The following KANK4 variants were observed in gnomAD, a reference collection of about 807,000 sequenced individuals.
The protein encoded by KANK4 is KN motif and ankyrin repeat domains 4, also known as KN motif and ankyrin repeat domain-containing protein 4.
A neutral mutation model predicts 80.8 loss-of-function variants in KANK4; 50 were observed. That is an observed-to-expected ratio of 0.62 (90% CI 0.49 to 0.78). The LOEUF (loss-of-function observed/expected upper bound fraction) is 0.78. Ranked by LOEUF, KANK4 falls within the 30% of genes least tolerant of loss-of-function variation. KANK4 has a pLI of 0.00. For missense variants in KANK4, 1,196 were observed against 1,240.1 expected (o/e 0.96, Z 0.53); for synonymous variants, 465 against 506.9 (o/e 0.92, Z 1.11).
intron 1 of KANK4, among the ~76,000 whole-genome samples, chr1:62,301,407 C>T (rs1644411033): frequency 6.6e-6 from 1 of 152,030 alleles, no homozygotes; most frequent in South Asian, 2.1e-4. Context: ...ATGAACCTGG[C>T]CAACAGCAAG....
chr1:62,267,280 C>A (rs529115732), intron 5 of KANK4, among the ~76,000 whole-genome samples: 1 of 149,200 alleles, frequency 6.7e-6, no homozygotes, highest in Non-Finnish European at 1.5e-5. Context: ...ACCGTAAGTA[C>A]TAACAGAGTC....
intron 7 of KANK4, among the ~76,000 whole-genome samples, chr1:62,258,163 T>C (rs1265706865): frequency 2.0e-5 from 3 of 152,222 alleles, no homozygotes; most frequent in Non-Finnish European, 4.4e-5. Flanking sequence ...GAGCCTCAGT[T>C]TCCTCACTGG....
At chr1:62,292,188 T>A (rs1362979660) in intron 1 of KANK4, among the ~76,000 whole-genome samples, 2 of 152,140 alleles carry the variant, frequency 1.3e-5, no homozygotes, top group Non-Finnish European at 1.5e-5. Flanking sequence ...TAACATGATG[T>A]TTTCAAGGTT....
chr1:62,263,582 CT>C (rs1215912042), intron 6 of KANK4, among the ~76,000 whole-genome samples: 3 of 152,166 alleles, frequency 2.0e-5, no homozygotes, highest in African/African-American at 7.2e-5. Flanking sequence ...AAGTTTGAGT[CT>C]GCGGGAAGTT....
chr1:62,280,571 T>G (rs1014176594), intron 2 of KANK4, among the ~76,000 whole-genome samples: 12 of 152,170 alleles, frequency 7.9e-5, no homozygotes, highest in Non-Finnish European at 1.3e-4. Context: ...TCAAGGGGAA[T>G]TAGAGGCTCT....
intron 2 of KANK4, 138 bp from the exon 3 acceptor site, chr1:62,275,225 T>C (rs763497569): frequency 1.7e-5 from 11 of 647,704 alleles, no homozygotes; most frequent in Admixed American, 3.0e-5. Context: ...CTCGAAATTA[T>C]GCTGAGATGC....
intron 1 of KANK4, among the ~76,000 whole-genome samples, chr1:62,315,783 ACTAAGAAGTC>A (rs1349678250): frequency 6.6e-6 from 1 of 152,200 alleles, no homozygotes; most frequent in South Asian, 2.1e-4. Flanking sequence ...TATTCTCAGC[ACTAAGAAGTC>A]CTAAATATCC....
chr1:62,260,588 C>T (rs1173362651), intron 7 of KANK4, among the ~76,000 whole-genome samples: 1 of 152,164 alleles, frequency 6.6e-6, no homozygotes, highest in East Asian at 1.9e-4. Context: ...CCAAGCCTGT[C>T]GCTTTGCTCC....
rs529228275 is a variant in KANK4, at chr1:62,267,629, G to A, written c.2231+658C>T. ...AGCCTGGCCAACATAGTGAAACCTC[G>A]TCTCTACTAAAAAATACAAAAAAAT... On this transcript the variant is annotated intron_variant, in intron 5 of 9. Transcript: ENST00000371153. Among the ~76,000 whole-genome samples the A allele has an allele frequency of 1.1e-4, 16 of 152,090 alleles. No homozygotes were observed. The South Asian group carries it at 2.5e-3, about 24-fold the overall frequency.
intron 8 of KANK4, among the ~76,000 whole-genome samples, chr1:62,252,593 C>T (rs1671649683): frequency 6.6e-6 from 1 of 152,242 alleles, no homozygotes. Context: ...TCCACACTTT[C>T]CCTCAGTCTG....
chr1:62,297,297 T>C lies in KANK4; in HGVS notation c.-70-15663A>G, dbSNP rs919982825. ...TACACTGTTATAATAATAATAATTA[T>C]TATTGCTAGCTAGATACTGTTGTCC... is the stretch of plus-strand genomic sequence containing the variant. On this transcript the variant is annotated intron_variant, in intron 1 of 9. Transcript: ENST00000371153. Among the ~76,000 whole-genome samples, 3 of 70,042 alleles carry C rather than the reference T, an allele frequency of 4.3e-5. No homozygotes were observed. The African/African-American group carries it at 4.5e-4, about 10-fold the overall frequency. 46.0% of individuals were successfully genotyped at this position (70,042 alleles called of 152,430 possible). A position where few individuals can be genotyped will look rare whatever the true frequency, so the allele number is the denominator to read the frequency against.
At chr1:62,309,139 C>T (rs976428572) in intron 1 of KANK4, among the ~76,000 whole-genome samples, 19 of 152,342 alleles carry the variant, frequency 1.2e-4, no homozygotes, top group African/African-American at 4.6e-4. Flanking sequence ...ATCAGCGTGC[C>T]AGCATGGCTG....
In KANK4 at chr1:62,238,290, G is replaced by A. The variant is rs1361620307; in HGVS notation, c.2975C>T (p.Ser992Phe). 6.2e-7 allele frequency: 1 copy of A among 1,613,234 alleles called. No individual in the cohort carries two copies. Residue 992 changes from serine (S) to phenylalanine (F), a missense_variant, in exon 10 of 10, where the codon TCC (serine) becomes TTC (phenylalanine). Physicochemically the swap from Ser to Phe is radical, Grantham distance 155 (BLOSUM62 -2). Around this residue, in one of 3 missense-constraint regions of KANK4, gnomAD observed 1,154 missense variants for 1,179.6 expected, o/e 0.98. Coordinates refer to ENST00000371153, the MANE Select transcript of KANK4 (RefSeq NM_181712.5). ...LLRAHAEQGRSLGL is the reference protein window; with the variant it reads ...LLRAHAEQGRFLGL The stretch of plus-strand genomic sequence containing the variant: ...CTTCTGCAGCCCCTACAGCCCCAGG[G>A]ACCTGCCCTGCTCCGCGTGGGCTCT...
At position 62,261,580 on chromosome 1, in the gene KANK4, T is replaced by C. The variant is rs551487137; in HGVS notation, c.2539+1512A>G. Reference sequence around the variant, plus strand: ...CCTGCCACCTCCTCTCCTGCTCCCTTCACTAACCCACCCCTACTGTCAAAT... The same window carrying C: ...CCTGCCACCTCCTCTCCTGCTCCCTCCACTAACCCACCCCTACTGTCAAAT... On this transcript the variant is annotated intron_variant, in intron 7 of 9. Transcript: ENST00000371153. 1.4e-3 allele frequency among the ~76,000 whole-genome samples: 218 copies of C among 152,092 alleles called. 1 individual carries two copies. The highest frequency in any genetic ancestry group is 5.0e-3 in the African/African-American group (209 of 41,506).
At chr1:62,276,848 A>G (rs1672327088) in intron 2 of KANK4, among the ~76,000 whole-genome samples, 1 of 152,108 alleles carries the variant, frequency 6.6e-6, no homozygotes, top group South Asian at 2.1e-4. Flanking sequence ...ACACATGATA[A>G]ACATTCAGTT....
chr1:62,268,255 A>C (rs1220679200), intron 5 of KANK4, 32 bp downstream of exon 5: 1 of 1,568,944 alleles, frequency 6.4e-7, no homozygotes, highest in Non-Finnish European at 8.8e-7. Flanking sequence ...TTTCAGAGGA[A>C]CAAGTGCCCG....
At chr1:62,279,026 G>A (rs1475603354) in intron 2 of KANK4, among the ~76,000 whole-genome samples, 2 of 152,126 alleles carry the variant, frequency 1.3e-5, no homozygotes, top group African/African-American at 4.8e-5. Flanking sequence ...TTTGCCCAAC[G>A]GCCTCTGGGC....
intron 1 of KANK4, among the ~76,000 whole-genome samples, chr1:62,298,704 G>A (rs1644387063): frequency 1.3e-5 from 2 of 152,328 alleles, no homozygotes; most frequent in Middle Eastern, 3.4e-3. Flanking sequence ...AGGCTGTTCT[G>A]ATGGCTACAT....
intron 7 of KANK4, among the ~76,000 whole-genome samples, chr1:62,259,931 A>G (rs1029159030): frequency 2.0e-5 from 3 of 152,074 alleles, no homozygotes; most frequent in African/African-American, 4.8e-5. Flanking sequence ...TCCTAAACTC[A>G]TAGATGACAT....
Sources: gnomAD v4.1 joint callset for allele counts (sites outside exome capture counted in the v4.1 genomes callset) on GRCh38, gnomAD v4.1.1 for gene constraint, gnomAD v4.1.1 regional missense constraint, MANE v1.5 for transcripts, NCBI Gene and HGNC (gene_info 2026-07-23, HGNC 2026-07-21) for gene names.